OXR1: variants seen among roughly 807,000 people sequenced by gnomAD.
The protein encoded by OXR1 is oxidation resistance 1.
A neutral mutation model predicts 104.6 loss-of-function variants in OXR1; 41 were observed. The observed-to-expected ratio is 0.39, with a 90% CI of 0.31 to 0.51. The LOEUF is 0.51. Among genes scored for constraint, OXR1 ranks in the 20% least tolerant of loss-of-function variants. OXR1 has a pLI of 0.77. For synonymous variants in OXR1, 348 were observed against 348.4 expected (o/e 1.00, Z 0.01); for missense variants, 955 against 1,031.9 (o/e 0.93, Z 1.02).
chr8:106,570,608 G>C (rs1038410570), intron 3 of OXR1, among the ~76,000 whole-genome samples: 6 of 152,168 alleles, frequency 3.9e-5, no homozygotes, highest in African/African-American at 1.4e-4. Context: ...AATGGTGCAA[G>C]AAGAACCCTT....
intron 2 of OXR1, among the ~76,000 whole-genome samples, chr8:106,405,001 T>C (rs1283016981): frequency 6.6e-6 from 1 of 151,984 alleles, no homozygotes; most frequent in Non-Finnish European, 1.5e-5. Flanking sequence ...TTATAAGTGA[T>C]GGATTGAGTT....
At chr8:106,366,423 C>T (rs1034447800) in intron 2 of OXR1, among the ~76,000 whole-genome samples, 1 of 152,058 alleles carries the variant, frequency 6.6e-6, no homozygotes, top group Non-Finnish European at 1.5e-5. Flanking sequence ...GGTAAAAGAC[C>T]AGCAAATCGT....
chr8:106,322,479 A>G (rs542193319), intron 1 of OXR1, among the ~76,000 whole-genome samples: 1 of 152,302 alleles, frequency 6.6e-6, no homozygotes, highest in East Asian at 1.9e-4. Context: ...TTTCCTTGAA[A>G]ATCAGCACAA....
At chr8:106,316,683 CT>C (rs1225395082) in intron 1 of OXR1, among the ~76,000 whole-genome samples, 1 of 119,046 alleles carries the variant, frequency 8.4e-6, no homozygotes, top group East Asian at 2.2e-4. Context: ...TTGTTTTTCT[CT>C]CTTTTTTTCT....
At position 106,706,814 on chromosome 8, in the gene OXR1, A is replaced by G. The variant is rs377449060; in HGVS notation, c.1293A>G (p.Gln431=). 1.2e-6 allele frequency: 2 copies of G among 1,612,444 alleles called. No individual in the cohort carries two copies. Among genetic ancestry groups the G allele is most frequent in the South Asian group, 2.2e-5 (2 of 90,562 alleles). Residue 431 remains glutamine, a synonymous_variant, in exon 9 of 17, where the codon CAA becomes CAG. Transcript: ENST00000517566. The part of the protein sequence containing the change: ...IKEDQIADNF[Q]GISGPKEDST... ...AAGATCAGATTGCAGATAACTTTCA[A>G]GGAATATCAGGTCCTAAAGAAGACA... is the stretch of plus-strand genomic sequence containing the variant.
At chr8:106,476,910 C>A (rs1266433512) in intron 2 of OXR1, among the ~76,000 whole-genome samples, 1 of 151,860 alleles carries the variant, frequency 6.6e-6, no homozygotes, top group African/African-American at 2.4e-5. Context: ...ATATTGTGCC[C>A]ACATGAAAGC....
At chr8:106,671,717 G>A (rs921689078) in intron 3 of OXR1, among the ~76,000 whole-genome samples, 1 of 149,622 alleles carries the variant, frequency 6.7e-6, no homozygotes, top group African/African-American at 2.5e-5. Flanking sequence ...CTATCACAAG[G>A]ACAGAAAACC....
chr8:106,496,362 A>C (rs1811410302), intron 2 of OXR1, among the ~76,000 whole-genome samples: 1 of 152,242 alleles, frequency 6.6e-6, no homozygotes, highest in Non-Finnish European at 1.5e-5. Flanking sequence ...ACTAAGCTAA[A>C]TTATACTTTT....
Position 106,359,501 on chromosome 8 carries a change from G to C in OXR1, c.-113G>C, listed in dbSNP as rs1182812720. On this transcript the variant is annotated 5_prime_UTR_variant, in exon 2 of 17. Transcript: ENST00000517566. ...GTCCTCTCAAACTGTGAGTAACTAA[G>C]TGGTTTGTGCATCATTCCAGAAGCA... is the stretch of plus-strand genomic sequence containing the variant. 4.2e-5 allele frequency: 31 copies of C among 738,952 alleles called. No homozygotes were observed. Among genetic ancestry groups the C allele is most frequent in the Non-Finnish European group, 2.2e-5 (9 of 410,642 alleles). 45.8% of individuals were successfully genotyped at this position (738,952 alleles called of 1,614,324 possible).
At chr8:106,307,239 G>A (rs186381449) in intron 1 of OXR1, among the ~76,000 whole-genome samples, 1 of 152,254 alleles carries the variant, frequency 6.6e-6, no homozygotes, top group African/African-American at 2.4e-5. Context: ...TTCAGTATAA[G>A]TTTGTCCATG....
chr8:106,403,775 A>G (rs577677429), intron 2 of OXR1, among the ~76,000 whole-genome samples: 54 of 152,124 alleles, frequency 3.5e-4, no homozygotes, highest in Middle Eastern at 3.4e-3. Flanking sequence ...TGTTCCTTTC[A>G]CCATTATCCC....
intron 13 of OXR1, chr8:106,740,129 A>G (rs1332079258): frequency 2.2e-6 from 1 of 449,356 alleles, no homozygotes; most frequent in Non-Finnish European, 3.9e-6. Flanking sequence ...GTTCAGGGTG[A>G]TTCTTTATTT....
At chr8:106,493,061 T>G (rs1811200933) in intron 2 of OXR1, among the ~76,000 whole-genome samples, 3 of 152,318 alleles carry the variant, frequency 2.0e-5, no homozygotes, top group Admixed American at 2.0e-4. Context: ...TTAAAAAAAT[T>G]GAACTAGTAT....
chr8:106,543,134 GAGAA>G (rs1334792095), intron 3 of OXR1, among the ~76,000 whole-genome samples: 2 of 152,130 alleles, frequency 1.3e-5, no homozygotes, highest in African/African-American at 4.8e-5. Flanking sequence ...ATTGAGGAAG[GAGAA>G]AGAGACTTCC....
intron 2 of OXR1, among the ~76,000 whole-genome samples, chr8:106,478,096 A>G (rs1472237702): frequency 2.0e-5 from 3 of 151,896 alleles, no homozygotes; most frequent in Admixed American, 6.6e-5. Flanking sequence ...CATCGGTGAC[A>G]CTGACCTTAA....
chr8:106,668,659 A>C (rs970942737), intron 3 of OXR1, among the ~76,000 whole-genome samples: 6 of 152,216 alleles, frequency 3.9e-5, no homozygotes, highest in Non-Finnish European at 8.8e-5. Flanking sequence ...ATGGTGAGGT[A>C]TATTTTATAT....
chr8:106,646,867 A>G (rs1048281371), intron 3 of OXR1, among the ~76,000 whole-genome samples: 1 of 152,248 alleles, frequency 6.6e-6, no homozygotes, highest in Non-Finnish European at 1.5e-5. Context: ...CAAGGTTTTT[A>G]AAGCTTTATT....
At chr8:106,339,548 A>T (rs1815149840) in intron 1 of OXR1, among the ~76,000 whole-genome samples, 1 of 134,530 alleles carries the variant, frequency 7.4e-6, no homozygotes, top group African/African-American at 2.8e-5. Flanking sequence ...ATATATATAT[A>T]TATATATAAA....
intron 3 of OXR1, among the ~76,000 whole-genome samples, chr8:106,621,082 A>T (rs1240464526): frequency 1.3e-5 from 2 of 152,188 alleles, no homozygotes; most frequent in African/African-American, 4.8e-5. Context: ...CTATCTTCAG[A>T]TTATTTCTTG....
Sources: gnomAD v4.1 joint callset for allele counts (sites outside exome capture counted in the v4.1 genomes callset) on GRCh38, gnomAD v4.1.1 for gene constraint, MANE v1.5 for transcripts, NCBI Gene and HGNC (gene_info 2026-07-23, HGNC 2026-07-21) for gene names.